Variants in ZNF407 observed in about 807,000 individuals in gnomAD.
The protein encoded by ZNF407 is zinc finger protein 407.
ZNF407 carries 17 observed loss-of-function variants against 131.2 expected under a neutral mutation model. The observed-to-expected ratio is 0.13, with a 90% CI of 0.09 to 0.19. ZNF407 has a LOEUF of 0.19. Ranked by LOEUF, ZNF407 falls within the 10% of genes least tolerant of loss-of-function variation. ZNF407 has a pLI of 1.00. For synonymous variants in ZNF407, 1,156 were observed against 1,062.0 expected (o/e 1.09, Z -1.72); for missense variants, 2,681 against 2,830.6 (o/e 0.95, Z 1.20).
At chr18:75,046,365 C>T (rs992227811) in intron 8 of ZNF407, among the ~76,000 whole-genome samples, 4 of 152,116 alleles carry the variant, frequency 2.6e-5, no homozygotes, top group African/African-American at 9.7e-5. Context: ...TTGCAGACAT[C>T]GAACCAATGG....
intron 3 of ZNF407, among the ~76,000 whole-genome samples, chr18:74,725,492 A>G (rs1359664074): frequency 1.3e-5 from 2 of 152,186 alleles, no homozygotes; most frequent in Non-Finnish European, 2.9e-5. Context: ...TTTCTTTAGT[A>G]TATCACTTTT....
intron 3 of ZNF407, among the ~76,000 whole-genome samples, chr18:74,744,756 A>G (rs527729757): frequency 2.4e-4 from 37 of 152,250 alleles, no homozygotes; most frequent in Non-Finnish European, 5.0e-4. Context: ...TGAAAAGCTC[A>G]AAAACAAACC....
chr18:74,985,292 A>AT (rs1972639944), intron 8 of ZNF407, among the ~76,000 whole-genome samples: 1 of 152,222 alleles, frequency 6.6e-6, no homozygotes, highest in Admixed American at 6.5e-5. Flanking sequence ...AAAATAAAAC[A>AT]TGAAAAGGTG....
intron 1 of ZNF407, among the ~76,000 whole-genome samples, chr18:74,603,550 C>A (rs1236111990): frequency 1.3e-5 from 2 of 152,244 alleles, no homozygotes; most frequent in African/African-American, 4.8e-5. Flanking sequence ...TAATCAGTAC[C>A]TGAAAGGCAC....
At chr18:74,720,795 A>G (rs1968013205) in intron 3 of ZNF407, among the ~76,000 whole-genome samples, 2 of 152,040 alleles carry the variant, frequency 1.3e-5, no homozygotes, top group South Asian at 2.1e-4. Flanking sequence ...AACTCTGTAC[A>G]TATGTGGATT....
chr18:74,618,956 G>A (rs1983418582), intron 1 of ZNF407, among the ~76,000 whole-genome samples: 10 of 152,116 alleles, frequency 6.6e-5, no homozygotes, highest in Admixed American at 6.5e-4. Context: ...TAGAATTACA[G>A]TGTTTCTCAG....
chr18:74,703,748 A>G lies in ZNF407; in HGVS notation c.4802+62626A>G, dbSNP rs780640955. Among the ~76,000 whole-genome samples, 26 of 152,100 alleles carry G rather than the reference A, an allele frequency of 1.7e-4. No individual in the cohort carries two copies. The highest frequency in any genetic ancestry group is 2.8e-4 in the Non-Finnish European group (19 of 68,024). On this transcript the variant is annotated intron_variant, in intron 3 of 8. Transcript: ENST00000299687. The surrounding 1 kb of genome is among the most constrained non-coding windows in gnomAD (Gnocchi z 4.1). Reference sequence around the variant, plus strand: ...TTTTAATACATCATCAACAAGTTCTATTAGTGTGTTCTGCCCTATTAGCAA... The same window carrying G: ...TTTTAATACATCATCAACAAGTTCTGTTAGTGTGTTCTGCCCTATTAGCAA...
At chr18:74,701,762 CT>C (rs2144823065) in intron 3 of ZNF407, among the ~76,000 whole-genome samples, 1 of 152,072 alleles carries the variant, frequency 6.6e-6, no homozygotes, top group East Asian at 1.9e-4. Flanking sequence ...TATTCTTGGC[CT>C]TTGAACTGTT....
rs3992091 is a variant in ZNF407 at position 74,901,685 on chromosome 18, G to T, written c.5249+11647G>T. Among the ~76,000 whole-genome samples, 68 of 125,966 alleles carry T rather than the reference G, an allele frequency of 5.4e-4. 1 individual carries two copies. Among genetic ancestry groups the T allele is most frequent in the African/African-American group, 2.4e-3 (63 of 26,030 alleles). 82.6% of individuals were successfully genotyped at this position (125,966 alleles called of 152,430 possible). A position where few individuals can be genotyped will look rare whatever the true frequency, so the allele number is the denominator to read the frequency against. On this transcript the variant is annotated intron_variant, in intron 7 of 8. Transcript: ENST00000299687. The stretch of plus-strand genomic sequence containing the variant: ...TATCAGCATATATATATTTTTAATT[G>T]CTTCCTTCCAATTCATGACTTGTGT...
At chr18:74,676,311 C>G (rs1568160988) in intron 3 of ZNF407, among the ~76,000 whole-genome samples, 2 of 152,060 alleles carry the variant, frequency 1.3e-5, no homozygotes, top group Non-Finnish European at 2.9e-5. Context: ...AGGCTGGTCT[C>G]AAACTCCTGA....
At chr18:74,872,046 T>G (rs1301264059) in intron 4 of ZNF407, among the ~76,000 whole-genome samples, 2 of 152,020 alleles carry the variant, frequency 1.3e-5, no homozygotes, top group African/African-American at 4.8e-5. Flanking sequence ...ATTTTTGTAT[T>G]TTTAGTAGAG....
intron 8 of ZNF407, among the ~76,000 whole-genome samples, chr18:74,927,004 A>G (rs541471671): frequency 1.3e-5 from 2 of 152,136 alleles, no homozygotes; most frequent in African/African-American, 4.8e-5. Context: ...AATGGTTGTT[A>G]TGTATGGTTT....
chr18:74,968,984 G>A (rs1303126785), intron 8 of ZNF407, among the ~76,000 whole-genome samples: 1 of 152,076 alleles, frequency 6.6e-6, no homozygotes, highest in Admixed American at 6.5e-5. Flanking sequence ...CTGCCCCTCT[G>A]TTGGGGAATT....
intron 8 of ZNF407, among the ~76,000 whole-genome samples, chr18:75,008,471 A>G (rs1485787059): frequency 6.6e-6 from 1 of 152,186 alleles, no homozygotes; most frequent in Non-Finnish European, 1.5e-5. Flanking sequence ...ACCTCAAATG[A>G]GCTCCCAGGT....
chr18:75,019,827 GGAGA>G (rs367722392), intron 8 of ZNF407, among the ~76,000 whole-genome samples: 35 of 151,848 alleles, frequency 2.3e-4, no homozygotes, highest in African/African-American at 8.2e-4. Flanking sequence ...CATGGTGGCA[GGAGA>G]GAGAGAGAGA....
At chr18:74,929,498 C>T (rs1212695108) in intron 8 of ZNF407, among the ~76,000 whole-genome samples, 2 of 152,024 alleles carry the variant, frequency 1.3e-5, no homozygotes, top group Non-Finnish European at 2.9e-5. Flanking sequence ...ATAGTGGGGA[C>T]GGTATGATTT....
intron 3 of ZNF407, among the ~76,000 whole-genome samples, chr18:74,650,343 G>A (rs1163161228): frequency 6.6e-6 from 1 of 152,202 alleles, no homozygotes; most frequent in Non-Finnish European, 1.5e-5. Flanking sequence ...TCTGCATCAT[G>A]TAGCACTCCT....
chr18:74,841,449 C>T (rs537813227), intron 4 of ZNF407, among the ~76,000 whole-genome samples: 4 of 152,242 alleles, frequency 2.6e-5, no homozygotes, highest in South Asian at 2.1e-4. Flanking sequence ...TTAAAGTTGG[C>T]GGTACTCCCA....
Position 74,703,410 on chromosome 18 carries a change from A to C in ZNF407, c.4802+62288A>C, listed in dbSNP as rs1967546595. ...AGATGGAGTTTCACTCTTGTTGCCC[A>C]GGCTGGAGTGCAATGGTGCAATCTC... On this transcript the variant is annotated intron_variant, in intron 3 of 8. Transcript: ENST00000299687. The surrounding 1 kb of genome is among the most constrained non-coding windows in gnomAD (Gnocchi z 4.1). Among the ~76,000 whole-genome samples the C allele has an allele frequency of 6.6e-6, 1 of 152,002 alleles. No homozygotes were observed. Among genetic ancestry groups the C allele is most frequent in the South Asian group, 2.1e-4 (1 of 4,814 alleles).
Sources: allele counts gnomAD v4.1 joint callset (sites outside exome capture counted in the v4.1 genomes callset), GRCh38; gene constraint gnomAD v4.1.1; non-coding constraint Gnocchi (gnomAD v3.1); transcripts MANE v1.5; gene names NCBI Gene and HGNC (gene_info 2026-07-23, HGNC 2026-07-21).